The following MIER3 variants were observed in gnomAD, a reference collection of about 807,000 sequenced individuals.
MIER3 encodes MIER family member 3, also known as mesoderm induction early response protein 3.
In MIER3, 9 loss-of-function variants were observed where a neutral mutation model predicts 63.2. That is an observed-to-expected ratio of 0.14 (90% CI 0.09 to 0.25). MIER3 has a LOEUF of 0.25. Ranked by LOEUF, MIER3 falls within the 10% of genes least tolerant of loss-of-function variation. The pLI, the probability that MIER3 is intolerant of heterozygous loss-of-function variation, is 1.00. For synonymous variants in MIER3, 205 were observed against 224.9 expected (o/e 0.91, Z 0.79); for missense variants, 512 against 666.2 (o/e 0.77, Z 2.55).
rs200728399 is a variant in MIER3, at chr5:56,923,695, C to G, written c.1191G>C (p.Leu397Phe). ...GCAGAAAGGTCTTCATTTTACCTGT[C>G]AAGTCACTGGCAGTGAAGGAGTTGA... The part of the protein sequence containing the change: ...NILNSFTASD[L>F]TALTNSVATV... The change falls in exon 12 of 13, where the codon TTG (leucine) becomes TTC (phenylalanine). Residue 397 changes from leucine to phenylalanine, a missense_variant. This residue lies in a region of MIER3 where 218 missense variants were observed against 251.2 expected (regional missense o/e 0.87). Transcript: ENST00000381199. 17 of 1,614,168 alleles carry G rather than the reference C, an allele frequency of 1.1e-5. No individual in the cohort carries two copies. In the East Asian group the frequency reaches 3.1e-4, roughly 30 times the overall value.
At chr5:56,943,121 G>A (rs747272502) in intron 3 of MIER3, among the ~76,000 whole-genome samples, 1 of 152,070 alleles carries the variant, frequency 6.6e-6, no homozygotes, top group Non-Finnish European at 1.5e-5. Context: ...CTCTAGCCTG[G>A]GTGACAGAGT....
intron 3 of MIER3, among the ~76,000 whole-genome samples, chr5:56,942,731 G>A (rs1490532264): frequency 6.6e-6 from 1 of 152,150 alleles, no homozygotes; most frequent in Non-Finnish European, 1.5e-5. Flanking sequence ...GAAAAAGTAG[G>A]ATTACTTAAA....
At chr5:56,952,134 G>A (rs1751062585), upstream of MIER3, 3 of 1,239,458 alleles carry the variant, frequency 2.4e-6, no homozygotes, top group South Asian at 2.5e-5. Context: ...GAGCAGCGCC[G>A]AGCCCAGTCC....
chr5:56,928,992 C>CTCACACACAT, intron 9 of MIER3, 131 bp from the exon 10 acceptor site: 2 of 398,012 alleles, frequency 5.0e-6, no homozygotes, highest in Non-Finnish European at 8.5e-6. Context: ...CTCTCTCTCT[C>CTCACACACAT]ACACACACAC....
chr5:56,924,763 A>T (rs1460441282), intron 10 of MIER3, among the ~76,000 whole-genome samples: 3 of 152,230 alleles, frequency 2.0e-5, no homozygotes, highest in Non-Finnish European at 1.5e-5. Flanking sequence ...ATTCAGATGT[A>T]TGAACAAAAT....
chr5:56,923,357 G>A lies in MIER3; in HGVS notation c.1424C>T (p.Ser475Leu). Reference protein sequence around the residue: ...LNPMNMCSEESERPAKRLKMG... With the variant: ...LNPMNMCSEELERPAKRLKMG... Reference sequence around the variant, plus strand: ...TTTCAATCTTTTTGCTGGTCTCTCTGACTCTTCACTGCACATGTTCATAGG... The same window carrying A: ...TTTCAATCTTTTTGCTGGTCTCTCTAACTCTTCACTGCACATGTTCATAGG... The change falls in exon 13 of 13, where the codon TCA becomes TTA. Residue 475 changes from serine to leucine, a missense_variant. Transcript: ENST00000381199. 1.2e-6 allele frequency: 2 copies of A among 1,614,122 alleles called. No homozygotes were observed. Among genetic ancestry groups the A allele is most frequent in the Non-Finnish European group, 1.7e-6 (2 of 1,180,034 alleles).
chr5:56,940,198 C>T (rs1750595231), intron 3 of MIER3, among the ~76,000 whole-genome samples: 1 of 152,134 alleles, frequency 6.6e-6, no homozygotes, highest in South Asian at 2.1e-4. Flanking sequence ...ATTTATCATT[C>T]GAATAAATAA....
At chr5:56,935,581 A>G (rs1750414727) in intron 6 of MIER3, 81 bp from the exon 7 acceptor site, 6 of 1,511,352 alleles carry the variant, frequency 4.0e-6, no homozygotes, top group Non-Finnish European at 3.6e-6. Flanking sequence ...ATCAGTTTCT[A>G]CAAGTCAAAA....
intron 8 of MIER3, 43 bp downstream of exon 8, chr5:56,933,204 A>G: frequency 6.6e-7 from 1 of 1,514,264 alleles, no homozygotes; most frequent in South Asian, 1.3e-5. Context: ...AATCAAGAAG[A>G]TACTGTAAAC....
At chr5:56,948,883 C>T (rs970687860) in intron 2 of MIER3, among the ~76,000 whole-genome samples, 2 of 152,084 alleles carry the variant, frequency 1.3e-5, no homozygotes, top group Non-Finnish European at 2.9e-5. Flanking sequence ...AACAGGCCTC[C>T]CCTTTAACAT....
At position 56,938,990 on chromosome 5, in the gene MIER3, G is replaced by A; in HGVS notation, c.208C>T (p.Leu70=). ...GTAGGTTCATAGCCATAGAATGCCA[G>A]TAAATCTTCTAGAGGCATGGTTCCT... ...KEGTMPLEDL[L]AFYGYEPTIP... is the part of the protein sequence containing the mutation. The change falls in exon 4 of 13, where the codon CTG becomes TTG. Residue 70 remains leucine, a synonymous_variant. Coordinates refer to ENST00000381199, the MANE Select transcript of MIER3 (RefSeq NM_001297599.2). 1 of 1,614,152 alleles carries A rather than the reference G, an allele frequency of 6.2e-7. No individual in the cohort carries two copies. Among genetic ancestry groups the A allele is most frequent in the Non-Finnish European group, 8.5e-7 (1 of 1,180,006 alleles).
At chr5:56,932,419 T>C (rs1015307245) in intron 8 of MIER3, among the ~76,000 whole-genome samples, 7 of 152,244 alleles carry the variant, frequency 4.6e-5, no homozygotes, top group African/African-American at 1.7e-4. Flanking sequence ...TTAATTCTTC[T>C]AAAATTAATA....
At chr5:56,944,499 C>A (rs1332291125) in intron 3 of MIER3, among the ~76,000 whole-genome samples, 2 of 151,542 alleles carry the variant, frequency 1.3e-5, no homozygotes, top group Non-Finnish European at 2.9e-5. Flanking sequence ...AAAAAGAAAT[C>A]AACAGTACAT....
At chr5:56,947,781 T>C (rs955530396) in intron 2 of MIER3, among the ~76,000 whole-genome samples, 1 of 152,212 alleles carries the variant, frequency 6.6e-6, no homozygotes, top group Admixed American at 6.5e-5. Context: ...CTGAAGGTTT[T>C]GGAAGATATA....
At chr5:56,932,358 T>A (rs539099532) in intron 8 of MIER3, among the ~76,000 whole-genome samples, 1 of 152,330 alleles carries the variant, frequency 6.6e-6, no homozygotes, top group East Asian at 1.9e-4. Context: ...CTGAGATGCA[T>A]GTGATATTCA....
intron 9 of MIER3, 126 bp from the exon 10 acceptor site, chr5:56,928,987 T>TCACACACACA: frequency 2.1e-6 from 1 of 478,472 alleles, no homozygotes; most frequent in South Asian, 2.2e-5. Context: ...ACACACTCTC[T>TCACACACACA]CTCTCACACA....
At chr5:56,943,861 TTCC>T (rs1037245398) in intron 3 of MIER3, among the ~76,000 whole-genome samples, 3 of 152,240 alleles carry the variant, frequency 2.0e-5, no homozygotes, top group African/African-American at 7.2e-5. Context: ...GATTTTTCTC[TTCC>T]TCTTCTTGGG....
At chr5:56,949,351 CAAAA>C (rs1203541418) in intron 2 of MIER3, among the ~76,000 whole-genome samples, 1 of 151,600 alleles carries the variant, frequency 6.6e-6, no homozygotes, top group Non-Finnish European at 1.5e-5. Flanking sequence ...AACAAACAAA[CAAAA>C]AACAAAAAGA....
rs768714956 is a variant in MIER3 at position 56,950,656 on chromosome 5, GGA to G, written c.10-6_10-5del. 3 of 1,613,538 alleles carry G rather than the reference GGA, an allele frequency of 1.9e-6. No individual in the cohort carries two copies. The highest frequency in any genetic ancestry group is 2.7e-5 in the African/African-American group (2 of 74,996). On this transcript the variant is annotated splice_region_variant and splice_polypyrimidine_tract_variant and intron_variant, in intron 1 of 12. Coordinates refer to ENST00000381199, the MANE Select transcript of MIER3 (RefSeq NM_001297599.2). The stretch of plus-strand genomic sequence containing the variant: ...GGCTCGAACTTCCAAAAGAAGCCTA[GGA>G]GAGAGAGAAGAAAACGTGAGGTTAG...
Sources: allele counts gnomAD v4.1 joint callset (sites outside exome capture counted in the v4.1 genomes callset), GRCh38; gene constraint gnomAD v4.1.1; regional missense constraint gnomAD v4.1.1; transcripts MANE v1.5; gene names NCBI Gene and HGNC (gene_info 2026-07-23, HGNC 2026-07-21).